SETD2: variants seen among roughly 807,000 people sequenced by gnomAD.
The protein encoded by SETD2 is histone-lysine N-methyltransferase SETD2.
In SETD2, 31 loss-of-function variants were observed where a neutral mutation model predicts 242.1. The observed-to-expected ratio is 0.13, with a 90% CI of 0.10 to 0.17. The LOEUF is 0.17. Ranked by LOEUF, SETD2 falls within the 10% of genes least tolerant of loss-of-function variation. The pLI, the probability that SETD2 is intolerant of heterozygous loss-of-function variation, is 1.00. For synonymous variants in SETD2, 1,006 were observed against 1,066.5 expected, an observed-to-expected ratio of 0.94 and a Z score of 1.11; for missense variants, 2,481 against 3,046.3, an observed-to-expected ratio of 0.81 and a Z score of 4.37.
intron 12 of SETD2, chr3:47,080,687 G>T (rs1327553027): frequency 6.4e-6 from 3 of 471,196 alleles, no homozygotes; most frequent in African/African-American, 4.2e-5. Flanking sequence ...CTCACAAGTG[G>T]CAATGTGCTA....
chr3:47,124,451 T>G lies in SETD2; in HGVS notation c.185A>C (p.Lys62Thr). The change falls in exon 3 of 21, where the codon AAA (lysine) becomes ACA (threonine). Residue 62 changes from lysine to threonine, a missense_variant. Physicochemically the swap from Lys to Thr is moderately conservative, Grantham distance 78. Transcript: ENST00000409792. ...TCGTCCCTGTTCTTCCAAATTAACT[T>G]TTGTTTTGGTGCCTTTGGGCAAAAA... ...SRFLPKGTKTKVNLEEQGRQK... is the reference protein window; with the variant it reads ...SRFLPKGTKTTVNLEEQGRQK... 1 of 1,551,892 alleles carries G rather than the reference T, an allele frequency of 6.4e-7. No individual in the cohort carries two copies. The highest frequency in any genetic ancestry group is 8.7e-7 in the Non-Finnish European group (1 of 1,147,042).
intron 8 of SETD2, 149 bp from the exon 9 acceptor site, chr3:47,098,230 T>C: frequency 1.7e-6 from 1 of 598,518 alleles, no homozygotes. Flanking sequence ...CTGCTATTAC[T>C]AATAGAAATG....
intron 8 of SETD2, 31 bp downstream of exon 8, chr3:47,101,427 A>T: frequency 7.5e-7 from 1 of 1,327,716 alleles, no homozygotes; most frequent in East Asian, 2.3e-5. Context: ...TCCCCATCAG[A>T]AGCAGCAAAA....
intron 15 of SETD2, among the ~76,000 whole-genome samples, chr3:47,054,890 C>T (rs561518703): frequency 2.6e-5 from 4 of 152,118 alleles, no homozygotes; most frequent in Non-Finnish European, 4.4e-5. Context: ...TACACACACA[C>T]ATATAGTATA....
intron 1 of SETD2, among the ~76,000 whole-genome samples, chr3:47,150,067 G>GT (rs1404846832): frequency 8.8e-6 from 1 of 113,458 alleles, no homozygotes; most frequent in Non-Finnish European, 1.6e-5. Flanking sequence ...GTCTCGCTCT[G>GT]TTGCCAGGCT....
intron 4 of SETD2, among the ~76,000 whole-genome samples, chr3:47,114,942 T>C (rs2042800021): frequency 1.3e-5 from 2 of 151,634 alleles, no homozygotes; most frequent in African/African-American, 2.4e-5. Context: ...TTATTATTTA[T>C]TGCCCACCCA....
intron 12 of SETD2, among the ~76,000 whole-genome samples, chr3:47,069,953 T>G (rs1260716545): frequency 6.6e-6 from 1 of 152,222 alleles, no homozygotes; most frequent in Non-Finnish European, 1.5e-5. Flanking sequence ...ACATTTGCAT[T>G]AGGTACTCTG....
intron 1 of SETD2, 47 bp downstream of exon 1, chr3:47,163,807 G>A (rs947818593): frequency 8.0e-7 from 1 of 1,247,532 alleles, no homozygotes; most frequent in East Asian, 3.2e-5. Context: ...CCTCGGCTGG[G>A]GATAAGGCGG....
At chr3:47,040,276 G>A (rs745993005) in intron 17 of SETD2, among the ~76,000 whole-genome samples, 5 of 152,136 alleles carry the variant, frequency 3.3e-5, no homozygotes, top group Non-Finnish European at 5.9e-5. Context: ...ACTGCACCCA[G>A]CCTATAGAAG....
chr3:47,154,527 TAAA>T (rs2044080913), intron 1 of SETD2, among the ~76,000 whole-genome samples: 1 of 151,738 alleles, frequency 6.6e-6, no homozygotes, highest in Non-Finnish European at 1.5e-5. Context: ...TGTAAAAAAA[TAAA>T]AACCAAAAAA....
At chr3:47,092,446 C>T (rs1277017165) in intron 9 of SETD2, among the ~76,000 whole-genome samples, 1 of 151,102 alleles carries the variant, frequency 6.6e-6, no homozygotes, top group Non-Finnish European at 1.5e-5. Flanking sequence ...TAAAAGTAAA[C>T]ATAAATGTAA....
rs2043067537 is a variant in SETD2, at chr3:47,121,158, G to A, written c.3478C>T (p.Leu1160Phe). ...ACCCCATCACTCTGAGGATGAGAAA[G>A]TTCAGGCAGGCGATTATCTATTTGT... ...RKQIDNRLPE[L>F]SHPQSDGVDS... Residue 1160 changes from leucine (L) to phenylalanine (F), a missense_variant, in exon 3 of 21, where the codon CTT becomes TTT. Around this residue, in one of 17 missense-constraint regions of SETD2, gnomAD observed 1,300 missense variants for 1,259.2 expected, o/e 1.03. Transcript: ENST00000409792. 6.2e-7 allele frequency: 1 copy of A among 1,614,154 alleles called. No individual in the cohort carries two copies. The highest frequency in any genetic ancestry group is 8.5e-7 in the Non-Finnish European group (1 of 1,180,002).
chr3:47,159,115 A>T (rs1377670079), intron 1 of SETD2, among the ~76,000 whole-genome samples: 2 of 152,142 alleles, frequency 1.3e-5, no homozygotes, highest in Non-Finnish European at 2.9e-5. Flanking sequence ...TCTTAAAAAA[A>T]AAATAAAAAG....
At chr3:47,023,354 C>A (rs898985047) in intron 18 of SETD2, among the ~76,000 whole-genome samples, 1 of 151,958 alleles carries the variant, frequency 6.6e-6, no homozygotes, top group African/African-American at 2.4e-5. Context: ...GAGCTGAGAT[C>A]GTGCCACTGC....
chr3:47,049,140 C>T (rs1033365264), intron 15 of SETD2, among the ~76,000 whole-genome samples: 5 of 151,298 alleles, frequency 3.3e-5, no homozygotes, highest in African/African-American at 7.3e-5. Flanking sequence ...GACAGGGTTT[C>T]GCTATGTTGT....
At chr3:47,046,442 C>T in intron 16 of SETD2, 45 bp downstream of exon 16, 3 of 1,448,336 alleles carry the variant, frequency 2.1e-6, no homozygotes, top group Non-Finnish European at 2.8e-6. Flanking sequence ...CTTCCAAAGA[C>T]AAAGTAGACA....
At chr3:47,069,408 T>G (rs1489794531) in intron 12 of SETD2, among the ~76,000 whole-genome samples, 1 of 152,192 alleles carries the variant, frequency 6.6e-6, no homozygotes, top group African/African-American at 2.4e-5. Context: ...ACCCTGGTTG[T>G]ACAATTAAAC....
intron 13 of SETD2, among the ~76,000 whole-genome samples, chr3:47,066,487 T>C (rs760585651): frequency 3.9e-5 from 6 of 152,112 alleles, no homozygotes; most frequent in Non-Finnish European, 8.8e-5. Context: ...ATTAGGATTA[T>C]AGGCACACAC....
intron 8 of SETD2, among the ~76,000 whole-genome samples, chr3:47,099,208 C>T (rs1358953508): frequency 1.3e-5 from 2 of 152,050 alleles, no homozygotes; most frequent in Non-Finnish European, 2.9e-5. Flanking sequence ...GAACAGAGTA[C>T]AGGAATTAAA....
Sources: allele counts gnomAD v4.1 joint callset (sites outside exome capture counted in the v4.1 genomes callset), GRCh38; gene constraint gnomAD v4.1.1; regional missense constraint gnomAD v4.1.1; transcripts MANE v1.5; gene names NCBI Gene and HGNC (gene_info 2026-07-23, HGNC 2026-07-21).